NAALADL2: variants seen among roughly 807,000 people sequenced by gnomAD.
The protein encoded by NAALADL2 is inactive N-acetylated-alpha-linked acidic dipeptidase-like protein 2.
In NAALADL2, 76 loss-of-function variants were observed where a neutral mutation model predicts 87.2. The observed-to-expected ratio is 0.87, with a 90% CI of 0.72 to 1.05. The LOEUF is 1.05. Ranked by LOEUF, NAALADL2 falls within the 50% of genes least tolerant of loss-of-function variation. The probability of loss-of-function intolerance (pLI) is 0.00; values close to 1 mark genes in which losing one functional copy is unlikely to be tolerated. For missense variants in NAALADL2, 1,089 were observed against 945.8 expected (o/e 1.15, Z -1.99); for synonymous variants, 354 against 331.0 (o/e 1.07, Z -0.75).
intron 2 of NAALADL2, among the ~76,000 whole-genome samples, chr3:175,232,237 G>GAAGAAAGAAGA (rs149513592): frequency 6.7e-6 from 1 of 149,342 alleles, no homozygotes; most frequent in African/African-American, 2.5e-5. Context: ...AGAGGAAGAG[G>GAAGAAAGAAGA]AAGAAGAAAG....
At chr3:174,697,267 TAGAA>T (rs1159927177) in intron 2 of NAALADL2, among the ~76,000 whole-genome samples, 5 of 152,142 alleles carry the variant, frequency 3.3e-5, no homozygotes, top group Admixed American at 2.6e-4. Context: ...GATATTTTCT[TAGAA>T]AGATGATCAA....
chr3:174,998,775 G>A (rs1008648397), intron 1 of NAALADL2, among the ~76,000 whole-genome samples: 2 of 152,078 alleles, frequency 1.3e-5, no homozygotes, highest in Non-Finnish European at 2.9e-5. Context: ...ATATTTTTAA[G>A]AATGATTTGC....
intron 1 of NAALADL2, among the ~76,000 whole-genome samples, chr3:174,903,282 G>A (rs1330876277): frequency 2.6e-5 from 4 of 152,044 alleles, no homozygotes; most frequent in Non-Finnish European, 5.9e-5. Context: ...CAACAGAAAT[G>A]ATTTTATAGT....
At chr3:174,695,677 A>G (rs935386841) in intron 2 of NAALADL2, among the ~76,000 whole-genome samples, 1 of 152,086 alleles carries the variant, frequency 6.6e-6, no homozygotes, top group African/African-American at 2.4e-5. Flanking sequence ...TTATAAGCAA[A>G]TGAGTTTGTC....
At chr3:175,345,521 G>C (rs1441427989) in intron 5 of NAALADL2, among the ~76,000 whole-genome samples, 1 of 152,104 alleles carries the variant, frequency 6.6e-6, no homozygotes, top group African/African-American at 2.4e-5. Context: ...CAGAGGAAAG[G>C]AGCTTTCTGT....
intron 2 of NAALADL2, among the ~76,000 whole-genome samples, chr3:174,726,515 T>A (rs958085913): frequency 4.6e-5 from 7 of 152,194 alleles, no homozygotes; most frequent in Admixed American, 1.3e-4. Flanking sequence ...AACTTTTTGA[T>A]GCTCCTTTAA....
intron 2 of NAALADL2, among the ~76,000 whole-genome samples, chr3:174,711,903 G>A (rs1046879526): frequency 6.6e-6 from 1 of 152,150 alleles, no homozygotes; most frequent in Admixed American, 6.6e-5. Context: ...GGGTTCAAGA[G>A]ATTCTCTTGC....
chr3:175,547,652 A>T (rs1400432587), intron 9 of NAALADL2, among the ~76,000 whole-genome samples: 1 of 152,078 alleles, frequency 6.6e-6, no homozygotes, highest in Non-Finnish European at 1.5e-5. Flanking sequence ...ATTTTTGCAA[A>T]TTTTGCTTCT....
intron 5 of NAALADL2, among the ~76,000 whole-genome samples, chr3:175,375,092 T>C (rs529446954): frequency 6.6e-6 from 1 of 152,296 alleles, no homozygotes; most frequent in Non-Finnish European, 1.5e-5. Context: ...ATTGCTCATA[T>C]AAGGTTCAGT....
intron 1 of NAALADL2, among the ~76,000 whole-genome samples, chr3:174,885,076 G>A (rs888817112): frequency 4.6e-5 from 7 of 151,992 alleles, no homozygotes; most frequent in Admixed American, 1.3e-4. Context: ...GTTTCTTCTG[G>A]CAAAAAAGTT....
Position 174,500,529 on chromosome 3 carries a change from C to T in NAALADL2, c.-183-50040C>T, listed in dbSNP as rs1718815231. ...GAAGATCAAACAACCTGTGTTCTTC[C>T]TGATTTTGGGAGGAAAACATTTACT... On this transcript the variant is annotated intron_variant, in intron 1 of 3. Transcript: ENST00000434257. Among the ~76,000 whole-genome samples, 6 of 152,100 alleles carry T rather than the reference C, an allele frequency of 3.9e-5. No homozygotes were observed. In the South Asian group the frequency reaches 1.2e-3, roughly 32 times the overall value.
chr3:174,626,159 T>C lies in NAALADL2; in HGVS notation c.-115+75522T>C, dbSNP rs180744058. ...CACTGCATTGGATATTTTTGTAATT[T>C]ACTATCCAATTTCCTTTGAAAAGAT... is the stretch of plus-strand genomic sequence containing the variant. On this transcript the variant is annotated intron_variant, in intron 2 of 3. Coordinates refer to the NAALADL2 transcript ENST00000434257. 2.6e-5 allele frequency among the ~76,000 whole-genome samples: 4 copies of C among 151,944 alleles called. No individual in the cohort carries two copies. In the East Asian group the frequency reaches 7.7e-4, roughly 29 times the overall value.
At chr3:175,419,405 T>A (rs1715259279) in intron 5 of NAALADL2, among the ~76,000 whole-genome samples, 1 of 151,838 alleles carries the variant, frequency 6.6e-6, no homozygotes, top group Non-Finnish European at 1.5e-5. Flanking sequence ...TATAAAAAAT[T>A]ATTATAGCAA....
rs187366509 is a variant in NAALADL2 at position 175,433,016 on chromosome 3, G to A, written c.1091-14213G>A. Among the ~76,000 whole-genome samples the A allele has an allele frequency of 9.3e-4, 141 of 152,080 alleles. No homozygotes were observed. The East Asian group carries it at 0.02, about 21-fold the overall frequency. On this transcript the variant is annotated intron_variant, in intron 5 of 13. Coordinates refer to ENST00000454872, the MANE Select transcript of NAALADL2 (RefSeq NM_207015.3). ...TTCACATTTCCTGGTCCAAGACCTG[G>A]GATTTTCCGGCTACTTTATCTCTTT...
chr3:175,548,035 G>A (rs1256312975), intron 9 of NAALADL2, among the ~76,000 whole-genome samples: 1 of 152,088 alleles, frequency 6.6e-6, no homozygotes, highest in Non-Finnish European at 1.5e-5. Context: ...ATTCAGCACA[G>A]CAATCCGATT....
Position 175,119,505 on chromosome 3 carries a change from G to A in NAALADL2, c.545+22214G>A, listed in dbSNP as rs571171640. Among the ~76,000 whole-genome samples the A allele has an allele frequency of 2.0e-5, 3 of 151,222 alleles. No homozygotes were observed. In the East Asian group the frequency reaches 5.9e-4, roughly 30 times the overall value. ...AGGTTATTTGAGAAAGACAAAGGAG[G>A]TGGGAAGAGAGGCAGAGACAGAGAG... On this transcript the variant is annotated intron_variant, in intron 2 of 13. Transcript: ENST00000454872.
intron 9 of NAALADL2, among the ~76,000 whole-genome samples, chr3:175,472,345 T>A (rs1350482027): frequency 6.6e-6 from 1 of 152,214 alleles, no homozygotes; most frequent in Non-Finnish European, 1.5e-5. Context: ...ACTTCTCGCC[T>A]AATTTAAAAA....
chr3:174,467,770 GCAAAA>G (rs1459293713), intron 1 of NAALADL2, among the ~76,000 whole-genome samples: 3 of 151,842 alleles, frequency 2.0e-5, no homozygotes, highest in Non-Finnish European at 2.9e-5. Flanking sequence ...AAAGCAAACT[GCAAAA>G]CAATATGTAT....
chr3:175,151,825 A>G (rs1241461983), intron 2 of NAALADL2, among the ~76,000 whole-genome samples: 1 of 152,228 alleles, frequency 6.6e-6, no homozygotes. Flanking sequence ...AATAAATCAT[A>G]GCAACAACAA....
Sources: gnomAD v4.1 joint callset for allele counts (sites outside exome capture counted in the v4.1 genomes callset) on GRCh38, gnomAD v4.1.1 for gene constraint, MANE v1.5 for transcripts, NCBI Gene and HGNC (gene_info 2026-07-23, HGNC 2026-07-21) for gene names.